ARHGAP22: variants seen among roughly 807,000 people sequenced by gnomAD.
The protein encoded by ARHGAP22 is rho GTPase-activating protein 22.
In ARHGAP22, 48 loss-of-function variants were observed where a neutral mutation model predicts 59.1. The ratio of observed to expected loss-of-function variants is 0.81; its 90% CI spans 0.64 to 1.03. ARHGAP22 has a LOEUF of 1.03. ARHGAP22 is among the 50% of genes least tolerant of loss of function. The pLI, the probability that ARHGAP22 is intolerant of heterozygous loss-of-function variation, is 0.00. For missense variants in ARHGAP22, 1,015 were observed against 958.7 expected, an observed-to-expected ratio of 1.06 and a Z score of -0.78; for synonymous variants, 445 against 416.4, an observed-to-expected ratio of 1.07 and a Z score of -0.84.
At chr10:48,560,414 A>G (rs908995073) in intron 2 of ARHGAP22, among the ~76,000 whole-genome samples, 1 of 152,174 alleles carries the variant, frequency 6.6e-6, no homozygotes, top group Non-Finnish European at 1.5e-5. Context: ...TGCAGGCTTC[A>G]TCAGATTTTT....
At chr10:48,549,665 A>G (rs553178993) in intron 3 of ARHGAP22, among the ~76,000 whole-genome samples, 1 of 152,296 alleles carries the variant, frequency 6.6e-6, no homozygotes, top group African/African-American at 2.4e-5. Flanking sequence ...AGCATCTTAT[A>G]CATTATACGG....
At chr10:48,507,409 C>T (rs920303031) in intron 3 of ARHGAP22, among the ~76,000 whole-genome samples, 2 of 152,134 alleles carry the variant, frequency 1.3e-5, no homozygotes, top group Non-Finnish European at 2.9e-5. Context: ...TTAGAACAGG[C>T]AGTTAAAAAA....
At chr10:48,578,211 T>C (rs918428131) in intron 2 of ARHGAP22, among the ~76,000 whole-genome samples, 2 of 152,124 alleles carry the variant, frequency 1.3e-5, no homozygotes, top group African/African-American at 4.8e-5. Flanking sequence ...GCCCCAAGTC[T>C]TTGAGGGGTT....
chr10:48,439,325 A>G, the ARHGAP22 span: 2 of 150,412 alleles, frequency 1.3e-5, no homozygotes, highest in Non-Finnish European at 3.0e-5. Flanking sequence ...TAATATTTTA[A>G]ATAAAAAAGA....
chr10:48,529,320 C>A (rs1441912572), intron 3 of ARHGAP22, among the ~76,000 whole-genome samples: 2 of 152,180 alleles, frequency 1.3e-5, no homozygotes, highest in African/African-American at 2.4e-5. Context: ...GCTAACCACA[C>A]CTTCCAGTTC....
chr10:48,442,618 C>T (rs2045229407), downstream of ARHGAP22, among the ~76,000 whole-genome samples: 1 of 152,136 alleles, frequency 6.6e-6, no homozygotes, highest in African/African-American at 2.4e-5. Flanking sequence ...ATCCCCATGG[C>T]CACTGCCACA....
chr10:48,653,937 A>G (rs2062656996), upstream of ARHGAP22, among the ~76,000 whole-genome samples: 2 of 152,250 alleles, frequency 1.3e-5, no homozygotes, highest in Non-Finnish European at 2.9e-5. Flanking sequence ...CTAAAAAGGT[A>G]TGTATAGTTG....
At chr10:48,568,244 T>C (rs59670941) in intron 2 of ARHGAP22, among the ~76,000 whole-genome samples, 3,291 of 152,208 alleles carry the variant, frequency 0.022, 125 homozygotes, top group African/African-American at 0.076. Context: ...GACTGGAGCA[T>C]TGGAGGGAGC....
chr10:48,654,778 C>CTT (rs1462361196), upstream of ARHGAP22, among the ~76,000 whole-genome samples: 48 of 45,502 alleles, frequency 1.1e-3, 1 homozygote, highest in African/African-American at 3.9e-3. Flanking sequence ...TGATTACTTT[C>CTT]TTTCTTTCTT....
Position 48,604,919 on chromosome 10 carries a change from G to C in ARHGAP22, c.-123C>G. 6.4e-7 allele frequency: 1 copy of C among 1,569,758 alleles called. No homozygotes were observed. Among genetic ancestry groups the C allele is most frequent in the Non-Finnish European group, 8.6e-7 (1 of 1,161,276 alleles). On this transcript the variant is annotated 5_prime_UTR_variant, in exon 1 of 10. Coordinates refer to ENST00000249601, the MANE Select transcript of ARHGAP22 (RefSeq NM_021226.4). ...CGTTCGGGGCCCCGTGGCCGCTGGCGTCACCCGTCAGGCTCCCTCGGCTAC... is the reference window on the plus strand; with the variant it reads ...CGTTCGGGGCCCCGTGGCCGCTGGCCTCACCCGTCAGGCTCCCTCGGCTAC...
chr10:48,510,070 C>A (rs558237764), intron 3 of ARHGAP22, among the ~76,000 whole-genome samples: 1 of 152,162 alleles, frequency 6.6e-6, no homozygotes, highest in Non-Finnish European at 1.5e-5. Flanking sequence ...AGTTTTTTAC[C>A]TCTTGGAGCC....
At chr10:48,617,783 A>G (rs1486501906) in intron 1 of ARHGAP22, among the ~76,000 whole-genome samples, 1 of 152,084 alleles carries the variant, frequency 6.6e-6, no homozygotes, top group East Asian at 1.9e-4. Context: ...TCAAGAATCT[A>G]GAAAAGCAAG....
chr10:48,573,600 A>G lies in ARHGAP22; in HGVS notation c.234+9353T>C, dbSNP rs554722588. ...TCTAGATCTGCAACTTCCTTTTTAT[A>G]ATTCATATTAGATGCCTTCGCATGC... On this transcript the variant is annotated intron_variant, in intron 2 of 9. Transcript: ENST00000249601. Among the ~76,000 whole-genome samples the G allele has an allele frequency of 2.6e-5, 4 of 152,346 alleles. No individual in the cohort carries two copies. In the South Asian group the frequency reaches 8.3e-4, roughly 32 times the overall value.
intron 3 of ARHGAP22, among the ~76,000 whole-genome samples, chr10:48,481,311 G>A (rs1337070632): frequency 6.6e-6 from 1 of 152,182 alleles, no homozygotes; most frequent in Non-Finnish European, 1.5e-5. Flanking sequence ...TACGAAGGCT[G>A]GAATGGCTGA....
chr10:48,446,296 G>T lies in ARHGAP22; in HGVS notation c.*95C>A. ...ATCTCTCTCTCTCCAGCTGGCTCCAGAGCGCCTGGCTGCTCCAGAGATACA... is the reference window on the plus strand; with the variant it reads ...ATCTCTCTCTCTCCAGCTGGCTCCATAGCGCCTGGCTGCTCCAGAGATACA... On this transcript the variant is annotated 3_prime_UTR_variant, in exon 10 of 10. Transcript: ENST00000249601. The T allele has an allele frequency of 7.3e-7, 1 of 1,363,684 alleles. No homozygotes were observed. 84.5% of individuals were successfully genotyped at this position (1,363,684 alleles called of 1,614,324 possible).
chr10:48,650,730 A>G (rs2062525967), intron 1 of ARHGAP22, among the ~76,000 whole-genome samples: 1 of 152,194 alleles, frequency 6.6e-6, no homozygotes, highest in Non-Finnish European at 1.5e-5. Flanking sequence ...CCTCCTACAA[A>G]AGCAAGTGAC....
intron 1 of ARHGAP22, 43 bp from the exon 2 acceptor site, chr10:48,583,195 C>A: frequency 6.3e-7 from 1 of 1,588,114 alleles, no homozygotes; most frequent in Non-Finnish European, 8.6e-7. Context: ...AGGCAGCGTG[C>A]CTGCTATCAG....
intron 1 of ARHGAP22, among the ~76,000 whole-genome samples, chr10:48,637,389 T>C (rs1034634563): frequency 1.3e-5 from 2 of 149,942 alleles, no homozygotes; most frequent in Admixed American, 6.6e-5. Flanking sequence ...GAGTAGCCAA[T>C]GGATGAATGG....
chr10:48,525,203 A>C (rs920582608), intron 3 of ARHGAP22, among the ~76,000 whole-genome samples: 2 of 152,204 alleles, frequency 1.3e-5, no homozygotes, highest in African/African-American at 4.8e-5. Context: ...CATGCCCAGG[A>C]AAGTCTATGG....
Sources: allele counts gnomAD v4.1 joint callset (sites outside exome capture counted in the v4.1 genomes callset), GRCh38; gene constraint gnomAD v4.1.1; transcripts MANE v1.5; gene names NCBI Gene and HGNC (gene_info 2026-07-23, HGNC 2026-07-21).